Variants in ACYP2 observed in about 807,000 individuals in gnomAD.
ACYP2 encodes the protein acylphosphatase-2.
ACYP2 carries 12 observed loss-of-function variants against 11.2 expected under a neutral mutation model. The observed-to-expected ratio is 1.08, with a 90% CI of 0.69 to 1.74. ACYP2 has a LOEUF of 1.74. Among genes scored for constraint, ACYP2 ranks in the 40% most tolerant of loss-of-function variants. ACYP2 has a pLI of 0.00. For synonymous variants in ACYP2, 43 were observed against 32.2 expected (o/e 1.33, Z -1.13); for missense variants, 134 against 101.9 (o/e 1.31, Z -1.35).
intron 2 of ACYP2, among the ~76,000 whole-genome samples, chr2:54,010,226 G>A (rs1484230065): frequency 6.6e-6 from 1 of 152,196 alleles, no homozygotes; most frequent in Non-Finnish European, 1.5e-5. Flanking sequence ...GCTCACACCT[G>A]TAATCCCAGC....
intron 6 of ACYP2, among the ~76,000 whole-genome samples, chr2:54,273,084 G>A (rs1553404390): frequency 1.3e-5 from 2 of 152,194 alleles, no homozygotes; most frequent in Non-Finnish European, 2.9e-5. Flanking sequence ...TGACAAAGTT[G>A]TTTGGGTTAT....
chr2:54,087,729 A>C (rs1678012844), intron 4 of ACYP2, among the ~76,000 whole-genome samples: 2 of 152,216 alleles, frequency 1.3e-5, no homozygotes, highest in Non-Finnish European at 2.9e-5. Context: ...TGCTCAAGAC[A>C]TATGGATGGG....
chr2:54,250,059 G>C (rs1687145001), intron 6 of ACYP2, among the ~76,000 whole-genome samples: 1 of 151,740 alleles, frequency 6.6e-6, no homozygotes, highest in African/African-American at 2.4e-5. Context: ...GTAGCTCAGT[G>C]CACTTTCTAT....
At chr2:54,022,888 C>T (rs542318797) in intron 2 of ACYP2, among the ~76,000 whole-genome samples, 6 of 152,248 alleles carry the variant, frequency 3.9e-5, no homozygotes, top group African/African-American at 1.2e-4. Context: ...TTAGCTCATA[C>T]GCCTTTTGTC....
At chr2:54,179,200 C>A (rs1174694368) in intron 6 of ACYP2, among the ~76,000 whole-genome samples, 1 of 129,976 alleles carries the variant, frequency 7.7e-6, no homozygotes, top group African/African-American at 2.9e-5. Context: ...CTCACTCAAC[C>A]ACAATCAGTG....
chr2:54,098,796 T>A (rs1244894971), intron 4 of ACYP2, among the ~76,000 whole-genome samples: 1 of 150,748 alleles, frequency 6.6e-6, no homozygotes, highest in Non-Finnish European at 1.5e-5. Flanking sequence ...GATGTGATCA[T>A]AGCTCACTGC....
At chr2:54,226,406 CAG>C (rs1177850439) in intron 6 of ACYP2, among the ~76,000 whole-genome samples, 1 of 152,056 alleles carries the variant, frequency 6.6e-6, no homozygotes, top group Non-Finnish European at 1.5e-5. Context: ...CCTGAAAGGG[CAG>C]AGTCAGGAAA....
chr2:54,039,033 A>T (rs1387648097), intron 2 of ACYP2, among the ~76,000 whole-genome samples: 1 of 151,932 alleles, frequency 6.6e-6, no homozygotes, highest in Non-Finnish European at 1.5e-5. Flanking sequence ...CAGCTAGTAC[A>T]AAGGTCCTGA....
chr2:54,120,827 C>T (rs1341253042), intron 4 of ACYP2, among the ~76,000 whole-genome samples: 1 of 152,214 alleles, frequency 6.6e-6, no homozygotes, highest in Non-Finnish European at 1.5e-5. Flanking sequence ...TGCCCAATAA[C>T]TTGGAGATGC....
At chr2:54,298,307 T>A (rs1416827265) in intron 6 of ACYP2, among the ~76,000 whole-genome samples, 1 of 151,426 alleles carries the variant, frequency 6.6e-6, no homozygotes, top group African/African-American at 2.4e-5. Context: ...ATCTTTTTCA[T>A]ATAAGGCAAT....
At chr2:54,023,043 C>G (rs1277479895) in intron 2 of ACYP2, among the ~76,000 whole-genome samples, 1 of 152,154 alleles carries the variant, frequency 6.6e-6, no homozygotes, top group Non-Finnish European at 1.5e-5. Flanking sequence ...ATTCTTTTCT[C>G]TTGTTAATCT....
chr2:54,035,027 A>AAAATAAAAAAAAAT (rs1674810815), intron 2 of ACYP2, among the ~76,000 whole-genome samples: 2 of 147,632 alleles, frequency 1.4e-5, no homozygotes, highest in Admixed American at 6.7e-5. Context: ...AAAAAAAAAA[A>AAAATAAAAAAAAAT]AAAAAGCCTA....
At chr2:54,164,558 A>G (rs2103836231) in intron 6 of ACYP2, among the ~76,000 whole-genome samples, 1 of 152,332 alleles carries the variant, frequency 6.6e-6, no homozygotes, top group East Asian at 1.9e-4. Flanking sequence ...AGAACTGGCA[A>G]AGGGACAATA....
intron 6 of ACYP2, among the ~76,000 whole-genome samples, chr2:54,241,788 G>C (rs1190544606): frequency 6.6e-6 from 1 of 152,192 alleles, no homozygotes; most frequent in Admixed American, 6.5e-5. Flanking sequence ...CAAGGCAGGT[G>C]GATCACCTGA....
At chr2:54,153,379 G>A (rs1682273590) in intron 6 of ACYP2, among the ~76,000 whole-genome samples, 1 of 150,102 alleles carries the variant, frequency 6.7e-6, no homozygotes, top group African/African-American at 2.4e-5. Context: ...AATTACTACA[G>A]CTTTGTAATA....
chr2:54,013,955 C>T (rs144268668), intron 2 of ACYP2, among the ~76,000 whole-genome samples: 5 of 151,876 alleles, frequency 3.3e-5, no homozygotes, highest in South Asian at 2.1e-4. Context: ...GTCAGGAGTT[C>T]GAGACCAGCC....
At chr2:54,061,744 T>C (rs992937297) in intron 4 of ACYP2, among the ~76,000 whole-genome samples, 4 of 152,136 alleles carry the variant, frequency 2.6e-5, no homozygotes, top group Non-Finnish European at 5.9e-5. Flanking sequence ...ATACAACACA[T>C]TTATTTTCTT....
At chr2:54,159,809 C>T (rs1682627318) in intron 6 of ACYP2, among the ~76,000 whole-genome samples, 1 of 152,168 alleles carries the variant, frequency 6.6e-6, no homozygotes, top group Non-Finnish European at 1.5e-5. Context: ...TGTCACTATT[C>T]ATCTCGCAGG....
intron 4 of ACYP2, among the ~76,000 whole-genome samples, chr2:54,092,520 TC>T (rs1678291429): frequency 6.6e-6 from 1 of 152,104 alleles, no homozygotes; most frequent in African/African-American, 2.4e-5. Flanking sequence ...AGGAATGGAA[TC>T]ATCCACCAGT....
Sources: allele counts gnomAD v4.1 joint callset (sites outside exome capture counted in the v4.1 genomes callset), GRCh38; gene constraint gnomAD v4.1.1; transcripts MANE v1.5; gene names NCBI Gene and HGNC (gene_info 2026-07-23, HGNC 2026-07-21).